The following DMRT1 variants were observed in gnomAD, a reference collection of about 807,000 sequenced individuals.
DMRT1 encodes the protein doublesex- and mab-3-related transcription factor 1.
A neutral mutation model predicts 32.3 loss-of-function variants in DMRT1; 7 were observed. That is an observed-to-expected ratio of 0.22 (90% CI 0.12 to 0.41). The LOEUF is 0.41. DMRT1 is among the 10% of genes least tolerant of loss of function. The probability of loss-of-function intolerance (pLI) is 1.00; values close to 1 mark genes in which losing one functional copy is unlikely to be tolerated. For synonymous variants in DMRT1, 278 were observed against 206.1 expected, an observed-to-expected ratio of 1.35 and a Z score of -2.99; for missense variants, 625 against 500.5, an observed-to-expected ratio of 1.25 and a Z score of -2.37.
intron 2 of DMRT1, among the ~76,000 whole-genome samples, chr9:855,727 T>C (rs1355202624): frequency 6.6e-6 from 1 of 152,220 alleles, no homozygotes; most frequent in Non-Finnish European, 1.5e-5. Flanking sequence ...TCAGCAATTC[T>C]TCCACTTCAG....
At chr9:927,114 G>A (rs1818551378) in intron 4 of DMRT1, among the ~76,000 whole-genome samples, 1 of 152,224 alleles carries the variant, frequency 6.6e-6, no homozygotes, top group Non-Finnish European at 1.5e-5. Flanking sequence ...GGATGGCGTG[G>A]AGTACTTCTG....
At chr9:895,801 CTTT>C (rs1187539144) in intron 3 of DMRT1, among the ~76,000 whole-genome samples, 6 of 121,976 alleles carry the variant, frequency 4.9e-5, no homozygotes, top group African/African-American at 9.7e-5. Flanking sequence ...ATAACTGAAA[CTTT>C]TTTTTTTTTT....
chr9:926,587 G>A (rs541343614), intron 4 of DMRT1, among the ~76,000 whole-genome samples: 6 of 151,962 alleles, frequency 3.9e-5, no homozygotes, highest in Admixed American at 2.6e-4. Context: ...TTGCTTTTAC[G>A]ACTTTAATTT....
chr9:862,896 C>T (rs79148255), intron 2 of DMRT1, among the ~76,000 whole-genome samples: 6,468 of 152,120 alleles, frequency 0.043, 476 homozygotes, highest in African/African-American at 0.15. Context: ...TCCCTGCAAC[C>T]TGTGAAGTTG....
chr9:862,882 C>A (rs186511107), intron 2 of DMRT1, among the ~76,000 whole-genome samples: 1 of 152,192 alleles, frequency 6.6e-6, no homozygotes, highest in African/African-American at 2.4e-5. Flanking sequence ...TGCCTGTGCC[C>A]TAATCCCTGC....
rs544395370 is a variant in DMRT1 at position 925,065 on chromosome 9, G to A, written c.967+8158G>A. On this transcript the variant is annotated intron_variant, in intron 4 of 4. Coordinates refer to ENST00000382276, the MANE Select transcript of DMRT1 (RefSeq NM_021951.3). ...ACTTCCCAGGGGCCTACCTCAGGGA[G>A]GTCACACTTACTCATGTAAGGATAA... is the stretch of plus-strand genomic sequence containing the variant. 4.6e-5 allele frequency among the ~76,000 whole-genome samples: 7 copies of A among 152,290 alleles called. No individual in the cohort carries two copies. In the South Asian group the frequency reaches 1.2e-3, roughly 27 times the overall value.
At chr9:861,807 G>GCTGCAATCTC (rs1564203885) in intron 2 of DMRT1, among the ~76,000 whole-genome samples, 16 of 8,718 alleles carry the variant, frequency 1.8e-3, no homozygotes, top group Non-Finnish European at 5.4e-3. Context: ...CTGCCGGGCG[G>GCTGCAATCTC]GGGGGGGCTC....
rs371295072 is a variant in DMRT1 at position 949,592 on chromosome 9, G to T, written c.968-18393G>T. Among the ~76,000 whole-genome samples the T allele has an allele frequency of 1.1e-4, 17 of 152,262 alleles. No individual in the cohort carries two copies. In the East Asian group the frequency reaches 2.7e-3, roughly 24 times the overall value. Reference sequence around the variant, plus strand: ...TTCATGATAAGAACACTTGACATAAGACCTACCCTCTTAGCAAGTTTTTAA... The same window carrying T: ...TTCATGATAAGAACACTTGACATAATACCTACCCTCTTAGCAAGTTTTTAA... On this transcript the variant is annotated intron_variant, in intron 4 of 4. Transcript: ENST00000382276.
intron 2 of DMRT1, among the ~76,000 whole-genome samples, chr9:861,679 C>CG (rs1815688545): frequency 7.8e-6 from 1 of 127,672 alleles, no homozygotes; most frequent in African/African-American, 3.3e-5. Flanking sequence ...ACGGGGAAGC[C>CG]GGGCAGAGGG....
intron 2 of DMRT1, among the ~76,000 whole-genome samples, chr9:891,990 G>T (rs1305179913): frequency 6.6e-6 from 1 of 152,182 alleles, no homozygotes; most frequent in African/African-American, 2.4e-5. Context: ...TGGATCTCAC[G>T]TCCTGGTAGT....
At chr9:892,958 CTTTTT>C (rs1224762648) in intron 2 of DMRT1, among the ~76,000 whole-genome samples, 1 of 152,132 alleles carries the variant, frequency 6.6e-6, no homozygotes, top group Non-Finnish European at 1.5e-5. Flanking sequence ...TGTCCTGCAT[CTTTTT>C]TTAAGTGCAA....
chr9:951,256 A>G (rs1406277666), intron 4 of DMRT1, among the ~76,000 whole-genome samples: 1 of 152,182 alleles, frequency 6.6e-6, no homozygotes, highest in African/African-American at 2.4e-5. Flanking sequence ...TAAGGACTAC[A>G]TTCAAGTTAA....
Position 968,459 on chromosome 9 carries a change from G to A in DMRT1, c.*320G>A, listed in dbSNP as rs1227809094. ...AAGCCATTTGTGTGCCTCTAAATGA[G>A]TCATCTAATTAGATGTTACTTTTAG... On this transcript the variant is annotated 3_prime_UTR_variant, in exon 5 of 5. Transcript: ENST00000382276. The A allele has an allele frequency of 1.5e-5, 4 of 269,998 alleles. No homozygotes were observed. The highest frequency in any genetic ancestry group is 2.9e-5 in the Non-Finnish European group (4 of 139,644). The allele number at this position is 269,998 out of a possible 1,614,324, so 16.7% of individuals were successfully genotyped here. A position where few individuals can be genotyped will look rare whatever the true frequency, so the allele number is the denominator to read the frequency against.
intron 2 of DMRT1, among the ~76,000 whole-genome samples, chr9:872,279 T>C (rs777614465): frequency 6.6e-5 from 10 of 152,070 alleles, no homozygotes; most frequent in Non-Finnish European, 1.3e-4. Flanking sequence ...GCCAGGCTGG[T>C]CTCGAACTCC....
intron 1 of DMRT1, among the ~76,000 whole-genome samples, chr9:846,464 T>C (rs1838909424): frequency 6.6e-6 from 1 of 152,206 alleles, no homozygotes; most frequent in African/African-American, 2.4e-5. Context: ...TCCTAATCTG[T>C]TAGTGCTTCT....
At chr9:847,504 C>T (rs1243659198) in intron 2 of DMRT1, among the ~76,000 whole-genome samples, 1 of 152,184 alleles carries the variant, frequency 6.6e-6, no homozygotes, top group Non-Finnish European at 1.5e-5. Context: ...TCCACTTCTC[C>T]ACTGCATCCA....
In DMRT1 at chr9:841,980, G is replaced by C. The variant is rs762791305; in HGVS notation, c.142G>C (p.Gly48Arg). 7 of 1,575,406 alleles carry C rather than the reference G, an allele frequency of 4.4e-6. No individual in the cohort carries two copies. The East Asian group carries it at 1.2e-4, about 26-fold the overall frequency. ...GGGGGCGGCCAGCGGCTCGAGCGCC[G>C]GGGGCAGCAGCAGAGGAGGCGGCTC... ...LVGAASGSSA[G>R]GSSRGGGSGS... Residue 48 changes from glycine (G) to arginine (R), a missense_variant, in exon 1 of 5, where the codon GGG becomes CGG. Transcript: ENST00000382276.
chr9:862,516 AG>A (rs1564204832), intron 2 of DMRT1, among the ~76,000 whole-genome samples: 1 of 5,642 alleles, frequency 1.8e-4, no homozygotes, highest in Non-Finnish European at 3.6e-4. Flanking sequence ...TGCAATGGGG[AG>A]GGGGAGGGGG....
chr9:953,798 G>C (rs907820884), intron 4 of DMRT1, among the ~76,000 whole-genome samples: 2 of 152,214 alleles, frequency 1.3e-5, no homozygotes, highest in Non-Finnish European at 2.9e-5. Flanking sequence ...TCATGACAGT[G>C]ATCTTTCATT....
Sources: allele counts gnomAD v4.1 joint callset (sites outside exome capture counted in the v4.1 genomes callset), GRCh38; gene constraint gnomAD v4.1.1; transcripts MANE v1.5; gene names NCBI Gene and HGNC (gene_info 2026-07-23, HGNC 2026-07-21).